Variants in MACF1 observed in about 807,000 individuals in gnomAD.
MACF1 encodes the protein microtubule actin crosslinking factor 1.
MACF1 carries 193 observed loss-of-function variants against 854.8 expected under a neutral mutation model. That is an observed-to-expected ratio of 0.23 (90% CI 0.20 to 0.25). The LOEUF (loss-of-function observed/expected upper bound fraction) is 0.25. Ranked by LOEUF, MACF1 falls within the 10% of genes least tolerant of loss-of-function variation. The pLI, the probability that MACF1 is intolerant of heterozygous loss-of-function variation, is 1.00. For synonymous variants in MACF1, 3,185 were observed against 3,226.7 expected (o/e 0.99, Z 0.44); for missense variants, 7,722 against 8,929.1 (o/e 0.86, Z 5.45).
chr1:39,273,650 A>G (rs1645373267), intron 6 of MACF1, among the ~76,000 whole-genome samples: 1 of 151,628 alleles, frequency 6.6e-6, no homozygotes, highest in Non-Finnish European at 1.5e-5. Context: ...CCAGGCTGGA[A>G]TGCGGTGGCC....
At chr1:39,321,632 C>T (rs1468713079) in intron 31 of MACF1, among the ~76,000 whole-genome samples, 1 of 152,152 alleles carries the variant, frequency 6.6e-6, no homozygotes, top group African/African-American at 2.4e-5. Flanking sequence ...GAGATTGGGG[C>T]CAACCCATGA....
chr1:39,480,658 A>AT (rs202036929), intron 98 of MACF1, among the ~76,000 whole-genome samples: 254 of 151,486 alleles, frequency 1.7e-3, no homozygotes, highest in Middle Eastern at 3.4e-3. Flanking sequence ...AAAAAAAAAA[A>AT]TAAGGAAAAA....
intron 52 of MACF1, among the ~76,000 whole-genome samples, chr1:39,375,491 C>T (rs1196794178): frequency 1.3e-5 from 2 of 152,062 alleles, no homozygotes; most frequent in Non-Finnish European, 2.9e-5. Flanking sequence ...TTAGTAGAGA[C>T]AGGGTTTCAC....
Position 39,451,055 on chromosome 1 carries a change from G to A in MACF1, c.20262G>A (p.Gln6754=), listed in dbSNP as rs762714039. ...DTVCGKSVER[Q]HKLEEALLFS... ...AGCGTTTGTGTGCATTTCTCAGGCA[G>A]CACAAGTTGGAGGAAGCCCTGCTCT... Residue 6754 remains glutamine (Q), a synonymous_variant, in exon 85 of 101, where the codon CAG becomes CAA. Coordinates refer to ENST00000564288, the MANE Select transcript of MACF1 (RefSeq NM_001394062.1). The A allele has an allele frequency of 6.2e-7, 1 of 1,612,616 alleles. No homozygotes were observed. The highest frequency in any genetic ancestry group is 1.1e-5 in the South Asian group (1 of 90,746).
Position 39,335,040 on chromosome 1 carries a change from G to T in MACF1, c.8452G>T (p.Glu2818Ter). The T allele has an allele frequency of 6.2e-7, 1 of 1,614,012 alleles. No homozygotes were observed. The highest frequency in any genetic ancestry group is 1.1e-5 in the South Asian group (1 of 91,072). Residue 2818 changes from glutamate to a stop codon, truncating the protein, a stop_gained, in exon 37 of 101, where the codon GAA becomes TAA. Transcript: ENST00000564288. LOFTEE classifies it high-confidence loss of function. ...VEESERLFQV[E>*]NQSAQEKVKV... ...AGAGAGTGAGAGATTATTTCAAGTT[G>T]AAAATCAGTCTGCACAAGAAAAGGT...
intron 89 of MACF1, chr1:39,456,884 C>T (rs973781401): frequency 2.6e-5 from 4 of 152,342 alleles, no homozygotes; most frequent in African/African-American, 7.2e-5. Flanking sequence ...TTTTGTTTGA[C>T]ATGTAACCTA....
At chr1:39,227,907 A>T (rs1158961642) in intron 1 of MACF1, among the ~76,000 whole-genome samples, 1 of 152,202 alleles carries the variant, frequency 6.6e-6, no homozygotes, top group Non-Finnish European at 1.5e-5. Flanking sequence ...TTGAAACTTC[A>T]TTAAGTCCCC....
intron 87 of MACF1, among the ~76,000 whole-genome samples, chr1:39,453,341 ATAAT>A (rs1447648519): frequency 6.6e-6 from 1 of 152,230 alleles, no homozygotes; most frequent in African/African-American, 2.4e-5. Context: ...TTTTACAACT[ATAAT>A]TATATTTTTC....
In MACF1 at chr1:39,180,352, G is replaced by A. The variant is rs528473794; in HGVS notation, c.221-50830G>A. 2.0e-5 allele frequency among the ~76,000 whole-genome samples: 3 copies of A among 151,928 alleles called. No homozygotes were observed. The South Asian group carries it at 6.3e-4, about 32-fold the overall frequency. On this transcript the variant is annotated intron_variant, in intron 2 of 93. Transcript: ENST00000361689. ...AGATATAGGCCAGGCATGGTGGCTC[G>A]TATCTGTAATCCCAGCACTTTGGGA... is the stretch of plus-strand genomic sequence containing the variant.
At chr1:39,276,399 C>T (rs908336461) in intron 6 of MACF1, among the ~76,000 whole-genome samples, 2 of 152,122 alleles carry the variant, frequency 1.3e-5, no homozygotes, top group African/African-American at 2.4e-5. Flanking sequence ...GATACCAAGT[C>T]GAAACTCCTC....
chr1:39,202,784 C>A (rs1644408317), upstream of MACF1, among the ~76,000 whole-genome samples: 1 of 152,066 alleles, frequency 6.6e-6, no homozygotes, highest in Admixed American at 6.5e-5. Flanking sequence ...TATGTAAGTT[C>A]TGTGAGAGCA....
Position 39,361,434 on chromosome 1 carries a change from G to T in MACF1, c.12528G>T (p.Glu4176Asp). The T allele has an allele frequency of 6.2e-7, 1 of 1,614,168 alleles. No individual in the cohort carries two copies. Among genetic ancestry groups the T allele is most frequent in the Non-Finnish European group, 8.5e-7 (1 of 1,180,048 alleles). Residue 4176 changes from glutamate (E) to aspartate (D), a missense_variant, in exon 49 of 101, where the codon GAG (glutamate) becomes GAT (aspartate). Physicochemically the swap from Glu to Asp is conservative, Grantham distance 45. Coordinates refer to ENST00000564288, the MANE Select transcript of MACF1 (RefSeq NM_001394062.1). ...ATREMVTRFM[E>D]TADSTTAAVL... ...GTGAGATGGTGACCCGATTCATGGA[G>T]ACAGCAGACAGTACTACAGCAGCAG...
At chr1:39,278,281 A>G (rs1433744150) in intron 6 of MACF1, among the ~76,000 whole-genome samples, 1 of 152,242 alleles carries the variant, frequency 6.6e-6, no homozygotes, top group Admixed American at 6.5e-5. Flanking sequence ...AAATTTAATT[A>G]CTGAGATGGT....
intron 6 of MACF1, chr1:39,260,500 G>C (rs1040918693): frequency 6.6e-6 from 1 of 152,174 alleles, no homozygotes; most frequent in African/African-American, 2.4e-5. Flanking sequence ...AAGTAGCTGG[G>C]ATTACAGGCG....
At chr1:39,465,225 C>T in intron 95 of MACF1, 113 bp downstream of exon 95, 2 of 1,069,714 alleles carry the variant, frequency 1.9e-6, no homozygotes, top group Non-Finnish European at 2.9e-6. Context: ...CTGGGTCGCA[C>T]CTGGTTGTCT....
At chr1:39,139,186 G>C (rs999214244) in intron 2 of MACF1, among the ~76,000 whole-genome samples, 1 of 151,904 alleles carries the variant, frequency 6.6e-6, no homozygotes, top group African/African-American at 2.4e-5. Context: ...CAACTGTCTC[G>C]TCATTTATTC....
intron 2 of MACF1, among the ~76,000 whole-genome samples, chr1:39,113,573 C>T (rs1235380704): frequency 2.6e-5 from 4 of 152,160 alleles, no homozygotes; most frequent in African/African-American, 9.7e-5. Context: ...CTCAAATCAT[C>T]CCTGATAATT....
At chr1:39,299,681 C>G (rs1344321799) in intron 21 of MACF1, among the ~76,000 whole-genome samples, 1 of 152,162 alleles carries the variant, frequency 6.6e-6, no homozygotes, top group Non-Finnish European at 1.5e-5. Flanking sequence ...AGATCTTTCT[C>G]TAGAAAGCTT....
chr1:39,140,864 G>A (rs536300879), intron 2 of MACF1, among the ~76,000 whole-genome samples: 4 of 128,460 alleles, frequency 3.1e-5, no homozygotes, highest in East Asian at 2.5e-4. Context: ...GCAGTGAGCC[G>A]AGATTGCACC....
Sources: gnomAD v4.1 joint callset for allele counts (sites outside exome capture counted in the v4.1 genomes callset) on GRCh38, gnomAD v4.1.1 for gene constraint, MANE v1.5 for transcripts, NCBI Gene and HGNC (gene_info 2026-07-23, HGNC 2026-07-21) for gene names.